PIGN: variants seen among roughly 807,000 people sequenced by gnomAD.
The protein encoded by PIGN is phosphatidylinositol glycan anchor biosynthesis class N.
PIGN carries 117 observed loss-of-function variants against 125.4 expected under a neutral mutation model. The ratio of observed to expected loss-of-function variants is 0.93; its 90% CI spans 0.80 to 1.09. The LOEUF (loss-of-function observed/expected upper bound fraction) is 1.09. PIGN is among the 50% of genes least tolerant of loss of function. The pLI, the probability that PIGN is intolerant of heterozygous loss-of-function variation, is 0.00. For synonymous variants in PIGN, 392 were observed against 377.8 expected (o/e 1.04, Z -0.44); for missense variants, 1,075 against 1,094.9 (o/e 0.98, Z 0.26).
Position 62,090,500 on chromosome 18 carries a change from T to C in PIGN, c.2259A>G (p.Gln753=). ...WINIEQETLQ[Q]SGVCCKQKLT... Reference sequence around the variant, plus strand: ...CCTTTTGTTTACAGCAAACACCAGATTGTTGTAGAGTTTCTTGTTCTATGT... The same window carrying C: ...CCTTTTGTTTACAGCAAACACCAGACTGTTGTAGAGTTTCTTGTTCTATGT... Residue 753 remains glutamine (Q), a synonymous_variant, in exon 24 of 31, where the codon CAA becomes CAG. Transcript: ENST00000640252. The C allele has an allele frequency of 2.5e-6, 4 of 1,606,788 alleles. No individual in the cohort carries two copies. The highest frequency in any genetic ancestry group is 3.4e-6 in the Non-Finnish European group (4 of 1,176,368).
rs1009435663 is a variant in PIGN, at chr18:62,043,344, G to A, written c.*2512C>T. The A allele has an allele frequency of 7.9e-5, 12 of 152,260 alleles. No homozygotes were observed. Among genetic ancestry groups the A allele is most frequent in the African/African-American group, 2.9e-4 (12 of 41,558 alleles). 9.4% of individuals were successfully genotyped at this position (152,260 alleles called of 1,614,324 possible). On this transcript the variant is annotated 3_prime_UTR_variant, in exon 31 of 31. Coordinates refer to ENST00000640252, the MANE Select transcript of PIGN (RefSeq NM_176787.5). ...CTAGGCCAGCTTCATCAGAAATCAT[G>A]TTTTTAATGGCACAGTTATATGTCA...
intron 4 of PIGN, 74 bp from the exon 5 acceptor site, chr18:62,157,882 A>T: frequency 7.5e-7 from 1 of 1,337,732 alleles, no homozygotes; most frequent in Non-Finnish European, 1.0e-6. Context: ...TAGAAACATA[A>T]GATTATTACA....
chr18:62,071,864 A>ATATATATATATATATG (rs1568142109), intron 30 of PIGN, among the ~76,000 whole-genome samples: 1 of 1,254 alleles, frequency 8.0e-4, no homozygotes, highest in African/African-American at 1.8e-3. Context: ...CTCCTTTTCC[A>ATATATATATATATATG]TATATATATA....
intron 28 of PIGN, among the ~76,000 whole-genome samples, chr18:62,080,145 G>GT (rs74715341): frequency 1.3e-4 from 20 of 152,150 alleles, no homozygotes; most frequent in South Asian, 4.1e-4. Flanking sequence ...AAGTTTTTGT[G>GT]TTTTTTTTCC....
chr18:62,088,303 C>T (rs1054128893), intron 25 of PIGN: 1 of 152,422 alleles, frequency 6.6e-6, no homozygotes, highest in African/African-American at 2.4e-5. Context: ...ACAACTTTCA[C>T]AACATTGCCT....
At chr18:62,152,372 G>A (rs1018580289) in intron 7 of PIGN, among the ~76,000 whole-genome samples, 5 of 151,604 alleles carry the variant, frequency 3.3e-5, no homozygotes, top group African/African-American at 1.2e-4. Flanking sequence ...CTGTGTTGAC[G>A]TTAATGCCAG....
chr18:62,019,946 A>C (rs1180415622), intron 23 of PIGN, among the ~76,000 whole-genome samples: 1 of 152,242 alleles, frequency 6.6e-6, no homozygotes, highest in African/African-American at 2.4e-5. Context: ...TGAACTGAGG[A>C]GACAGAAATT....
intron 28 of PIGN, among the ~76,000 whole-genome samples, chr18:62,078,730 C>G (rs771488069): frequency 6.6e-6 from 1 of 152,204 alleles, no homozygotes. Flanking sequence ...TGTTTTGAAG[C>G]TACTGTGTAC....
At chr18:62,028,495 C>A (rs910024434) in intron 23 of PIGN, among the ~76,000 whole-genome samples, 2 of 152,202 alleles carry the variant, frequency 1.3e-5, no homozygotes, top group African/African-American at 4.8e-5. Context: ...CAGTAGCTGG[C>A]AAGAATCATC....
rs565532012 is a variant in PIGN, at chr18:62,057,145, T to C, written c.2673-11166A>G. ...CCTCTTAGATATCACCCATTTTTCCTTCTCTAGGTGAGCATATCCTTTACC... is the reference window on the plus strand; with the variant it reads ...CCTCTTAGATATCACCCATTTTTCCCTCTCTAGGTGAGCATATCCTTTACC... On this transcript the variant is annotated intron_variant, in intron 30 of 30. Transcript: ENST00000640252. Among the ~76,000 whole-genome samples, 10 of 152,322 alleles carry C rather than the reference T, an allele frequency of 6.6e-5. No homozygotes were observed. In the East Asian group the frequency reaches 1.3e-3, roughly 21 times the overall value.
chr18:62,158,679 A>T (rs2036829549), intron 4 of PIGN, among the ~76,000 whole-genome samples: 1 of 152,222 alleles, frequency 6.6e-6, no homozygotes, highest in Non-Finnish European at 1.5e-5. Context: ...CTCTCAATAC[A>T]TTCTAAAGAA....
chr18:62,091,440 T>A (rs1268511255), intron 23 of PIGN, among the ~76,000 whole-genome samples: 2 of 152,188 alleles, frequency 1.3e-5, no homozygotes, highest in Admixed American at 6.5e-5. Flanking sequence ...TCTGATACTA[T>A]GTATTAAGAA....
intron 14 of PIGN, among the ~76,000 whole-genome samples, chr18:62,121,631 G>A (rs756569361): frequency 2.0e-5 from 3 of 151,792 alleles, no homozygotes; most frequent in African/African-American, 4.8e-5. Context: ...TTGTCTTTCC[G>A]TGTCGCTCTT....
intron 12 of PIGN, 95 bp from the exon 13 acceptor site, chr18:62,139,170 A>C: frequency 1.7e-6 from 1 of 586,032 alleles, no homozygotes; most frequent in Non-Finnish European, 3.0e-6. Flanking sequence ...AAGATAAGGC[A>C]TATGGACAAA....
intron 17 of PIGN, among the ~76,000 whole-genome samples, chr18:62,109,058 G>C (rs2034769856): frequency 6.6e-6 from 1 of 152,040 alleles, no homozygotes; most frequent in Non-Finnish European, 1.5e-5. Context: ...TGACTTTAGG[G>C]GTCTGGTTTG....
intron 23 of PIGN, among the ~76,000 whole-genome samples, chr18:62,034,999 G>C (rs761912006): frequency 6.6e-6 from 1 of 152,148 alleles, no homozygotes; most frequent in Non-Finnish European, 1.5e-5. Context: ...TCATGGGAGG[G>C]ACCTTGTGGG....
intron 16 of PIGN, chr18:62,112,810 T>C: frequency 3.1e-6 from 1 of 322,674 alleles, no homozygotes; most frequent in Non-Finnish European, 5.6e-6. Flanking sequence ...CCAGTTGTAC[T>C]AGAAAGATAT....
chr18:62,162,874 C>T (rs7226734), intron 2 of PIGN, among the ~76,000 whole-genome samples: 5,429 of 152,074 alleles, frequency 0.036, 330 homozygotes, highest in African/African-American at 0.12. Flanking sequence ...ACCTAATGAA[C>T]ATTAAATGCT....
chr18:62,143,473 A>G, intron 10 of PIGN, 127 bp from the exon 11 acceptor site: 1 of 568,682 alleles, frequency 1.8e-6, no homozygotes, highest in Non-Finnish European at 3.1e-6. Flanking sequence ...TAAGCCAAGT[A>G]TGAATAAAAA....
Sources: gnomAD v4.1 joint callset for allele counts (sites outside exome capture counted in the v4.1 genomes callset) on GRCh38, gnomAD v4.1.1 for gene constraint, MANE v1.5 for transcripts, NCBI Gene and HGNC (gene_info 2026-07-23, HGNC 2026-07-21) for gene names.